Variants in MOGAT1 observed in about 807,000 individuals in gnomAD.
MOGAT1 encodes the protein 2-acylglycerol O-acyltransferase 1.
MOGAT1 carries 32 observed loss-of-function variants against 31.4 expected under a neutral mutation model. The ratio of observed to expected loss-of-function variants is 1.02; its 90% CI spans 0.77 to 1.37. The LOEUF is 1.37. Among genes scored for constraint, MOGAT1 ranks in the 40% most tolerant of loss-of-function variants. The probability of loss-of-function intolerance (pLI) is 0.00; values close to 1 mark genes in which losing one functional copy is unlikely to be tolerated. For missense variants in MOGAT1, 426 were observed against 402.0 expected, an observed-to-expected ratio of 1.06 and a Z score of -0.51; for synonymous variants, 145 against 144.5, an observed-to-expected ratio of 1.00 and a Z score of -0.03.
chr2:222,674,909 G>C (rs1417038897), intron 1 of MOGAT1, among the ~76,000 whole-genome samples: 1 of 152,126 alleles, frequency 6.6e-6, no homozygotes, highest in African/African-American at 2.4e-5. Context: ...AGGCTCAAGT[G>C]ATCCTCCTGC....
At chr2:222,672,728 A>G (rs1342396184) in intron 1 of MOGAT1, among the ~76,000 whole-genome samples, 1 of 151,962 alleles carries the variant, frequency 6.6e-6, no homozygotes, top group Non-Finnish European at 1.5e-5. Flanking sequence ...TTGGGGTGGT[A>G]ATAATAGTAA....
At chr2:222,708,141 T>A (rs1427296207) in intron 5 of MOGAT1, among the ~76,000 whole-genome samples, 1 of 152,212 alleles carries the variant, frequency 6.6e-6, no homozygotes, top group Non-Finnish European at 1.5e-5. Context: ...TAAAGTGCAG[T>A]GGCGCAATCC....
rs146960767 is a variant in MOGAT1, at chr2:222,675,240, A to T, written c.94+3361A>T. On this transcript the variant is annotated intron_variant, in intron 1 of 5. Coordinates refer to ENST00000446656, the MANE Select transcript of MOGAT1 (RefSeq NM_058165.3). ...CTAAATGCTTGATTAGATTTAGATG[A>T]AACCTTCTGGGCAAGACTTCTTCCC... 7.2e-5 allele frequency among the ~76,000 whole-genome samples: 11 copies of T among 152,304 alleles called. No homozygotes were observed. In the East Asian group the frequency reaches 2.1e-3, roughly 29 times the overall value.
chr2:222,691,119 G>C (rs1179913116), intron 3 of MOGAT1, among the ~76,000 whole-genome samples: 1 of 152,122 alleles, frequency 6.6e-6, no homozygotes, highest in African/African-American at 2.4e-5. Context: ...TGCCCCTACA[G>C]CCACTGCAGT....
At chr2:222,679,609 C>G (rs1385965738) in intron 1 of MOGAT1, among the ~76,000 whole-genome samples, 1 of 152,188 alleles carries the variant, frequency 6.6e-6, no homozygotes, top group African/African-American at 2.4e-5. Context: ...AATACTATGA[C>G]CTATAGACAT....
At chr2:222,700,105 T>C (rs994616399) in intron 5 of MOGAT1, among the ~76,000 whole-genome samples, 4 of 152,228 alleles carry the variant, frequency 2.6e-5, no homozygotes, top group African/African-American at 9.6e-5. Flanking sequence ...TTGGGGATGA[T>C]ATAAAGGAAA....
chr2:222,685,752 C>A (rs937921907), intron 1 of MOGAT1, among the ~76,000 whole-genome samples: 2 of 151,740 alleles, frequency 1.3e-5, no homozygotes, highest in Admixed American at 6.6e-5. Context: ...AGGCACCCAC[C>A]ACCACACCCC....
chr2:222,706,079 T>C (rs935500706), intron 5 of MOGAT1, among the ~76,000 whole-genome samples: 13 of 152,192 alleles, frequency 8.5e-5, no homozygotes, highest in African/African-American at 2.7e-4. Flanking sequence ...TTTTTGAGTA[T>C]AGTTTAGGAA....
intron 5 of MOGAT1, among the ~76,000 whole-genome samples, chr2:222,701,866 G>A (rs985237658): frequency 2.0e-5 from 3 of 152,180 alleles, no homozygotes; most frequent in Non-Finnish European, 4.4e-5. Context: ...GACTCTGAGC[G>A]ACTTTGAATG....
At chr2:222,704,684 A>T (rs915671556) in intron 5 of MOGAT1, among the ~76,000 whole-genome samples, 1 of 152,120 alleles carries the variant, frequency 6.6e-6, no homozygotes, top group Admixed American at 6.5e-5. Context: ...AATTCCAAGT[A>T]GATCTTTTTA....
intron 5 of MOGAT1, among the ~76,000 whole-genome samples, chr2:222,705,473 G>A (rs4674683): frequency 0.045 from 6,788 of 152,288 alleles, 348 homozygotes; most frequent in African/African-American, 0.12. Context: ...GCCCTGATGA[G>A]CTATTCTCTC....
chr2:222,695,557 A>C (rs563295976), intron 5 of MOGAT1, among the ~76,000 whole-genome samples: 13 of 152,244 alleles, frequency 8.5e-5, no homozygotes, highest in Admixed American at 8.5e-4. Context: ...CTAATACTCT[A>C]TAATGAATCT....
At chr2:222,672,265 A>G (rs891330259) in intron 1 of MOGAT1, among the ~76,000 whole-genome samples, 21 of 152,204 alleles carry the variant, frequency 1.4e-4, no homozygotes, top group African/African-American at 5.1e-4. Context: ...CTGTTGATTC[A>G]TAGATGGCAA....
intron 1 of MOGAT1, among the ~76,000 whole-genome samples, chr2:222,685,743 G>T (rs1692654891): frequency 6.6e-6 from 1 of 151,502 alleles, no homozygotes; most frequent in South Asian, 2.1e-4. Context: ...TGGGATTACA[G>T]GCACCCACCA....
chr2:222,688,515 CA>C lies in MOGAT1; in HGVS notation c.268del (p.Ile90PhefsTer24). 3 of 1,607,842 alleles carry C rather than the reference CA, an allele frequency of 1.9e-6. No individual in the cohort carries two copies. Among genetic ancestry groups the C allele is most frequent in the Non-Finnish European group, 2.5e-6 (3 of 1,177,116 alleles). On this transcript the variant is annotated frameshift_variant, in exon 2 of 6. Coordinates refer to ENST00000446656, the MANE Select transcript of MOGAT1 (RefSeq NM_058165.3). LOFTEE classifies it high-confidence loss of function. ...TLWKHFKDYFPIHLIKTQDLD... is the reference protein window; with the variant it reads ...TLWKHFKDYFXIHLIKTQDLD... Reference sequence around the variant, plus strand: ...TGGAAACACTTTAAGGACTATTTTCCAATTCATGTGAGTACAGTTGTTTTAT... The same window carrying C: ...TGGAAACACTTTAAGGACTATTTTCCATTCATGTGAGTACAGTTGTTTTAT...
chr2:222,682,156 T>A (rs1267989078), intron 1 of MOGAT1, among the ~76,000 whole-genome samples: 2 of 152,182 alleles, frequency 1.3e-5, no homozygotes, highest in African/African-American at 4.8e-5. Flanking sequence ...ACACACACAC[T>A]TTGTTGTTGC....
chr2:222,701,608 G>GAGGGAGGA (rs1692931079), intron 5 of MOGAT1, among the ~76,000 whole-genome samples: 1 of 78,360 alleles, frequency 1.3e-5, no homozygotes, highest in Non-Finnish European at 3.0e-5. Context: ...GGGAGGGAGG[G>GAGGGAGGA]AGGGAGAGAA....
intron 1 of MOGAT1, among the ~76,000 whole-genome samples, chr2:222,677,365 G>C (rs1420998786): frequency 1.3e-5 from 2 of 152,276 alleles, no homozygotes; most frequent in East Asian, 3.9e-4. Context: ...TGGATCACGA[G>C]ATCAGGAGAT....
chr2:222,707,275 G>GAAGGAGGGAAGGAAGGAAGGAAGGA (rs1693016104), intron 5 of MOGAT1, among the ~76,000 whole-genome samples: 1 of 147,984 alleles, frequency 6.8e-6, no homozygotes, highest in Non-Finnish European at 1.5e-5. Context: ...GAGAGAGAAA[G>GAAGGAGGGAAGGAAGGAAGGAAGGA]AAGGAGGGAA....
Sources: allele counts gnomAD v4.1 joint callset (sites outside exome capture counted in the v4.1 genomes callset), GRCh38; gene constraint gnomAD v4.1.1; transcripts MANE v1.5; gene names NCBI Gene and HGNC (gene_info 2026-07-23, HGNC 2026-07-21).